Variants in SENP6 observed in about 807,000 individuals in gnomAD.
SENP6 encodes the protein sentrin-specific protease 6.
A neutral mutation model predicts 134.5 loss-of-function variants in SENP6; 41 were observed. The observed-to-expected ratio is 0.30, with a 90% CI of 0.24 to 0.40. The LOEUF is 0.40. Among genes scored for constraint, SENP6 ranks in the 10% least tolerant of loss-of-function variants. The probability of loss-of-function intolerance (pLI) is 1.00; values close to 1 mark genes in which losing one functional copy is unlikely to be tolerated. For missense variants in SENP6, 1,248 were observed against 1,312.5 expected, an observed-to-expected ratio of 0.95 and a Z score of 0.76; for synonymous variants, 395 against 429.8, an observed-to-expected ratio of 0.92 and a Z score of 1.00.
At chr6:75,656,068 A>T (rs766767025) in intron 7 of SENP6, among the ~76,000 whole-genome samples, 1 of 152,048 alleles carries the variant, frequency 6.6e-6, no homozygotes, top group Non-Finnish European at 1.5e-5. Flanking sequence ...TACAAAAACT[A>T]GCCAGGCATG....
intron 2 of SENP6, 123 bp downstream of exon 2, chr6:75,621,748 C>G: frequency 1.8e-6 from 1 of 570,930 alleles, no homozygotes; most frequent in Non-Finnish European, 3.1e-6. Flanking sequence ...ATAACTCTTT[C>G]ACAGTCGCTT....
intron 16 of SENP6, among the ~76,000 whole-genome samples, chr6:75,686,319 A>G (rs1048402262): frequency 6.6e-6 from 1 of 152,188 alleles, no homozygotes; most frequent in Admixed American, 6.5e-5. Context: ...TCCTGAATAC[A>G]GCACACTGAT....
intron 1 of SENP6, among the ~76,000 whole-genome samples, chr6:75,612,466 G>A (rs1425478022): frequency 6.6e-6 from 1 of 152,080 alleles, no homozygotes; most frequent in Non-Finnish European, 1.5e-5. Flanking sequence ...TTAGTAGCTG[G>A]GACTACAGGC....
At chr6:75,669,641 T>G (rs940298324) in intron 10 of SENP6, among the ~76,000 whole-genome samples, 47 of 152,206 alleles carry the variant, frequency 3.1e-4, no homozygotes, top group Admixed American at 5.9e-4. Context: ...AATTTCTATT[T>G]GGAAGTGACT....
chr6:75,605,761 C>A (rs1391782153), intron 1 of SENP6, among the ~76,000 whole-genome samples: 2 of 151,894 alleles, frequency 1.3e-5, no homozygotes, highest in Non-Finnish European at 2.9e-5. Flanking sequence ...GAGTTTGGCG[C>A]AAGGGGGTGT....
chr6:75,626,035 TA>T (rs1768662704), intron 3 of SENP6, among the ~76,000 whole-genome samples: 1 of 152,168 alleles, frequency 6.6e-6, no homozygotes. Flanking sequence ...ATAGTTCCAC[TA>T]GGAATGTGTA....
At chr6:75,671,749 A>G (rs1186694747) in intron 11 of SENP6, among the ~76,000 whole-genome samples, 2 of 152,206 alleles carry the variant, frequency 1.3e-5, no homozygotes, top group Non-Finnish European at 2.9e-5. Flanking sequence ...AAAGAATTAT[A>G]TCACAGCAGG....
chr6:75,659,170 T>C, intron 7 of SENP6, 92 bp from the exon 8 acceptor site: 4 of 881,782 alleles, frequency 4.5e-6, no homozygotes, highest in East Asian at 2.7e-5. Context: ...GATATAATTA[T>C]TGGTTTAGTC....
intron 16 of SENP6, among the ~76,000 whole-genome samples, chr6:75,687,272 C>T (rs1460153047): frequency 6.6e-6 from 1 of 152,194 alleles, no homozygotes; most frequent in Non-Finnish European, 1.5e-5. Flanking sequence ...CTTCTCTACA[C>T]TCTTTATTCT....
chr6:75,648,569 C>CT (rs1426566053), intron 7 of SENP6, among the ~76,000 whole-genome samples: 1 of 152,024 alleles, frequency 6.6e-6, no homozygotes, highest in Non-Finnish European at 1.5e-5. Context: ...GAACATTTCT[C>CT]TATTTCATAA....
At chr6:75,713,900 CAATA>C (rs1402192872) in intron 23 of SENP6, 75 bp downstream of exon 23, 3 of 1,091,374 alleles carry the variant, frequency 2.7e-6, no homozygotes, top group Non-Finnish European at 3.9e-6. Context: ...GTAAAAAACA[CAATA>C]AGCAAATATT....
intron 18 of SENP6, among the ~76,000 whole-genome samples, chr6:75,702,396 T>G (rs1278600913): frequency 6.6e-6 from 1 of 151,990 alleles, no homozygotes; most frequent in African/African-American, 2.4e-5. Context: ...TTTTGTATTT[T>G]TAGTAGAGAC....
At chr6:75,609,512 A>G (rs1767282103) in intron 1 of SENP6, among the ~76,000 whole-genome samples, 1 of 152,156 alleles carries the variant, frequency 6.6e-6, no homozygotes, top group African/African-American at 2.4e-5. Flanking sequence ...AATGACAAAT[A>G]ATTTGCAGCT....
chr6:75,717,586 G>A lies in SENP6; in HGVS notation c.*1992G>A, dbSNP rs191804329. 6.6e-6 allele frequency: 1 copy of A among 152,122 alleles called. No individual in the cohort carries two copies. The highest frequency in any genetic ancestry group is 6.5e-5 in the Admixed American group (1 of 15,278). The allele number at this position is 152,122 out of a possible 1,614,324, so 9.4% of individuals were successfully genotyped here. ...CATTGCAATATATATTGAAATCTTCGGAGGCTGCCAGGTTGAGCTTCAAAA... is the reference window on the plus strand; with the variant it reads ...CATTGCAATATATATTGAAATCTTCAGAGGCTGCCAGGTTGAGCTTCAAAA... On this transcript the variant is annotated 3_prime_UTR_variant, in exon 24 of 24. Coordinates refer to ENST00000447266, the MANE Select transcript of SENP6 (RefSeq NM_015571.4).
intron 6 of SENP6, chr6:75,646,729 G>T (rs12215914): frequency 0.096 from 14,581 of 151,998 alleles, 718 homozygotes; most frequent in Non-Finnish European, 0.11. Context: ...CTAGCTACTC[G>T]GGAGGCTGAG....
At chr6:75,630,309 A>G (rs1769013621) in intron 3 of SENP6, among the ~76,000 whole-genome samples, 1 of 152,130 alleles carries the variant, frequency 6.6e-6, no homozygotes, top group Admixed American at 6.6e-5. Context: ...ACCTGAGGTG[A>G]TCCATCAGCC....
intron 19 of SENP6, among the ~76,000 whole-genome samples, chr6:75,705,925 C>CTTTTTTTTTT (rs71544062): frequency 4.2e-5 from 2 of 47,976 alleles, no homozygotes; most frequent in Non-Finnish European, 7.0e-5. Context: ...ATTTTTGAGC[C>CTTTTTTTTTT]TTTTTTTTTT....
chr6:75,663,795 C>A (rs747449733), intron 9 of SENP6, among the ~76,000 whole-genome samples: 1 of 138,768 alleles, frequency 7.2e-6, no homozygotes. Flanking sequence ...GGTAGATTTC[C>A]TGCTGATAGT....
intron 16 of SENP6, among the ~76,000 whole-genome samples, chr6:75,686,774 T>C (rs1211581014): frequency 6.6e-6 from 1 of 152,246 alleles, no homozygotes; most frequent in East Asian, 1.9e-4. Context: ...CCACTGTTAG[T>C]CTGATGGGCT....
Sources: allele counts gnomAD v4.1 joint callset (sites outside exome capture counted in the v4.1 genomes callset), GRCh38; gene constraint gnomAD v4.1.1; transcripts MANE v1.5; gene names NCBI Gene and HGNC (gene_info 2026-07-23, HGNC 2026-07-21).